The following GNPTAB variants were observed in gnomAD, a reference collection of about 807,000 sequenced individuals.
The protein encoded by GNPTAB is N-acetylglucosamine-1-phosphate transferase subunits alpha and beta, also known as N-acetylglucosamine-1-phosphotransferase subunits alpha/beta.
GNPTAB carries 92 observed loss-of-function variants against 136.6 expected under a neutral mutation model. The ratio of observed to expected loss-of-function variants is 0.67; its 90% CI spans 0.57 to 0.80. The LOEUF is 0.80. Ranked by LOEUF, GNPTAB falls within the 30% of genes least tolerant of loss-of-function variation. The pLI is 0.00. For missense variants in GNPTAB, 1,343 were observed against 1,501.8 expected, an observed-to-expected ratio of 0.89 and a Z score of 1.75; for synonymous variants, 512 against 535.1, an observed-to-expected ratio of 0.96 and a Z score of 0.60.
At chr12:101,808,822 CCTGT>C (rs2137172223) in intron 1 of GNPTAB, among the ~76,000 whole-genome samples, 1 of 152,264 alleles carries the variant, frequency 6.6e-6, no homozygotes, top group Non-Finnish European at 1.5e-5. Flanking sequence ...GTGGTGCATG[CCTGT>C]AATCCCAGCT....
intron 1 of GNPTAB, among the ~76,000 whole-genome samples, chr12:101,823,053 T>C (rs1398437271): frequency 1.3e-5 from 2 of 152,202 alleles, no homozygotes; most frequent in Non-Finnish European, 2.9e-5. Flanking sequence ...TGCTTAAGAA[T>C]GGCTCTATAA....
intron 1 of GNPTAB, among the ~76,000 whole-genome samples, chr12:101,804,730 G>A (rs914862854): frequency 1.3e-5 from 2 of 152,164 alleles, no homozygotes; most frequent in African/African-American, 2.4e-5. Context: ...TTTTGGTCAC[G>A]GCACTAAGTT....
In GNPTAB at chr12:101,765,289, A is replaced by G; in HGVS notation, c.1628T>C (p.Leu543Ser). The G allele has an allele frequency of 1.2e-6, 2 of 1,607,372 alleles. No individual in the cohort carries two copies. The highest frequency in any genetic ancestry group is 1.7e-6 in the Non-Finnish European group (2 of 1,174,150). The change falls in exon 13 of 21, where the codon TTG becomes TCG. Residue 543 changes from leucine (L) to serine (S), a missense_variant. Leu to Ser is a moderately radical substitution (Grantham distance 145, BLOSUM62 -2). Coordinates refer to ENST00000299314, the MANE Select transcript of GNPTAB (RefSeq NM_024312.5). The stretch of plus-strand genomic sequence containing the variant: ...GTTTGGGAGAAGGATCACTTTATAC[A>G]ATTCATGAAAATGATCTAGAGGAAA... ...GDCGQDHFHE[L>S]YKVILLPNQT...
intron 2 of GNPTAB, among the ~76,000 whole-genome samples, chr12:101,793,719 T>A (rs1869122616): frequency 6.6e-6 from 1 of 152,222 alleles, no homozygotes. Flanking sequence ...TAACTTTCAT[T>A]TTAATCACTG....
rs538858843 is a variant in GNPTAB at position 101,815,058 on chromosome 12, A to G, written c.117+15501T>C. Among the ~76,000 whole-genome samples, 187 of 152,290 alleles carry G rather than the reference A, an allele frequency of 1.2e-3. 2 individuals carry two copies. Among genetic ancestry groups the G allele is most frequent in the African/African-American group, 4.1e-3 (172 of 41,568 alleles). ...TACTTTGAAAACTGCTGGCAGCATC[A>G]TAGCTTACTTATTTTTATTTTTTAT... On this transcript the variant is annotated intron_variant, in intron 1 of 20. Transcript: ENST00000299314.
At chr12:101,818,316 ACCTCCCTG>A (rs1043591776) in intron 1 of GNPTAB, among the ~76,000 whole-genome samples, 3 of 149,816 alleles carry the variant, frequency 2.0e-5, no homozygotes, top group Admixed American at 1.3e-4. Flanking sequence ...TTGCCTGTCC[ACCTCCCTG>A]CCTGGACTAT....
rs947399949 is a variant in GNPTAB, at chr12:101,770,647, T to C, written c.934-62A>G. ...CCCCTTAAGTCATACCTCCTCCTCT[T>C]TGTCCTTTCCTTCTGCCCGTCTGCT... On this transcript the variant is annotated intron_variant, in intron 8 of 20. Coordinates refer to ENST00000299314, the MANE Select transcript of GNPTAB (RefSeq NM_024312.5). 6 of 1,183,656 alleles carry C rather than the reference T, an allele frequency of 5.1e-6. No individual in the cohort carries two copies. The South Asian group carries it at 6.2e-5, about 12-fold the overall frequency. The allele number at this position is 1,183,656 out of a possible 1,614,324, so 73.3% of individuals were successfully genotyped here. A position where few individuals can be genotyped will look rare whatever the true frequency, so the allele number is the denominator to read the frequency against.
Position 101,746,690 on chromosome 12 carries a change from T to C in GNPTAB, c.*474A>G, listed in dbSNP as rs1308022443. On this transcript the variant is annotated 3_prime_UTR_variant, in exon 21 of 21. Transcript: ENST00000299314. ...TAGGTTTAGACATCCCAATTCGTTATACTCAGAAGCAAGAATAACTAGTTA... is the reference window on the plus strand; with the variant it reads ...TAGGTTTAGACATCCCAATTCGTTACACTCAGAAGCAAGAATAACTAGTTA... 6.2e-6 allele frequency: 1 copy of C among 161,184 alleles called. No homozygotes were observed. Among genetic ancestry groups the C allele is most frequent in the Non-Finnish European group, 1.4e-5 (1 of 73,378 alleles). 10.0% of individuals were successfully genotyped at this position (161,184 alleles called of 1,614,324 possible).
intron 2 of GNPTAB, among the ~76,000 whole-genome samples, chr12:101,793,963 C>A (rs1312933199): frequency 6.6e-6 from 1 of 152,186 alleles, no homozygotes; most frequent in Non-Finnish European, 1.5e-5. Flanking sequence ...CCTGCCTCAG[C>A]CTCCCAAGTA....
At chr12:101,779,360 C>G (rs1953305338) in intron 7 of GNPTAB, 1 of 152,194 alleles carries the variant, frequency 6.6e-6, no homozygotes, top group Non-Finnish European at 1.5e-5. Context: ...ACACCTCTGA[C>G]AGAATAGCAG....
intron 15 of GNPTAB, among the ~76,000 whole-genome samples, 193 bp downstream of exon 15, chr12:101,760,934 C>G (rs909984291): frequency 3.3e-5 from 5 of 152,038 alleles, no homozygotes; most frequent in African/African-American, 1.2e-4. Flanking sequence ...CGCATGCCAC[C>G]ACATCCGGCT....
chr12:101,748,607 G>C (rs1952770464), intron 20 of GNPTAB, among the ~76,000 whole-genome samples: 2 of 152,178 alleles, frequency 1.3e-5, no homozygotes, highest in Admixed American at 6.5e-5. Context: ...GGCTGACAAG[G>C]AGAGGAGGAA....
intron 1 of GNPTAB, among the ~76,000 whole-genome samples, chr12:101,813,819 G>A (rs901474422): frequency 1.3e-5 from 2 of 152,084 alleles, no homozygotes; most frequent in African/African-American, 4.8e-5. Flanking sequence ...GGTGGCTCAC[G>A]CCTGTAATCC....
Position 101,770,261 on chromosome 12 carries a change from GA to G in GNPTAB, c.1114-71del. 2.7e-6 allele frequency: 4 copies of G among 1,504,818 alleles called. 1 individual carries two copies. In the South Asian group the frequency reaches 4.5e-5, roughly 17 times the overall value. The allele number at this position is 1,504,818 out of a possible 1,614,324, so 93.2% of individuals were successfully genotyped here. A position where few individuals can be genotyped will look rare whatever the true frequency, so the allele number is the denominator to read the frequency against. On this transcript the variant is annotated intron_variant, in intron 9 of 20. Coordinates refer to ENST00000299314, the MANE Select transcript of GNPTAB (RefSeq NM_024312.5). ...TTGGGTTTGGTTTAGTTTTTGAAAG[GA>G]AGGAAGGGAAGGCAATGAAGAGCTA...
intron 7 of GNPTAB, among the ~76,000 whole-genome samples, chr12:101,776,134 T>C (rs1469456390): frequency 6.6e-6 from 1 of 152,210 alleles, no homozygotes; most frequent in Non-Finnish European, 1.5e-5. Flanking sequence ...CAACAACTAC[T>C]ATAATTGAAG....
At chr12:101,766,366 G>T in intron 11 of GNPTAB, 72 bp from the exon 12 acceptor site, 1 of 1,313,586 alleles carries the variant, frequency 7.6e-7, no homozygotes, top group Non-Finnish European at 1.1e-6. Context: ...GACTGGGTGT[G>T]GTGGCTGACG....
intron 1 of GNPTAB, among the ~76,000 whole-genome samples, chr12:101,823,413 C>G (rs1031791734): frequency 2.0e-5 from 3 of 151,964 alleles, no homozygotes; most frequent in African/African-American, 7.3e-5. Flanking sequence ...AGTTTGAGAC[C>G]AGCCTGGCTA....
chr12:101,779,199 G>A (rs1953302860), intron 7 of GNPTAB: 2 of 152,098 alleles, frequency 1.3e-5, no homozygotes, highest in South Asian at 4.2e-4. Context: ...TACAACAGGA[G>A]GAAGTAAGAA....
At chr12:101,829,548 T>C (rs1871262315) in intron 1 of GNPTAB, among the ~76,000 whole-genome samples, 2 of 152,144 alleles carry the variant, frequency 1.3e-5, no homozygotes, top group Non-Finnish European at 1.5e-5. Flanking sequence ...TCACACTGCA[T>C]GGGACTTAAT....
Sources: allele counts gnomAD v4.1 joint callset (sites outside exome capture counted in the v4.1 genomes callset), GRCh38; gene constraint gnomAD v4.1.1; transcripts MANE v1.5; gene names NCBI Gene and HGNC (gene_info 2026-07-23, HGNC 2026-07-21).